The following ADAM2 variants were observed in gnomAD, a reference collection of about 807,000 sequenced individuals.
ADAM2 encodes ADAM metallopeptidase domain 2, also known as disintegrin and metalloproteinase domain-containing protein 2.
A neutral mutation model predicts 99.3 loss-of-function variants in ADAM2; 101 were observed. The ratio of observed to expected loss-of-function variants is 1.02; its 90% CI spans 0.87 to 1.20. ADAM2 has a LOEUF of 1.20. Ranked by LOEUF, ADAM2 falls within the 50% of genes most tolerant of loss-of-function variation. The pLI, the probability that ADAM2 is intolerant of heterozygous loss-of-function variation, is 0.00. For missense variants in ADAM2, 948 were observed against 878.7 expected (o/e 1.08, Z -1.00); for synonymous variants, 323 against 287.6 (o/e 1.12, Z -1.25).
intron 1 of ADAM2, 149 bp from the exon 2 acceptor site, chr8:39,837,361 GT>G (rs1233741516): frequency 3.9e-5 from 20 of 512,574 alleles, no homozygotes; most frequent in Admixed American, 3.4e-4. Flanking sequence ...ATACAAGGAG[GT>G]TTTTTTTTCT....
At chr8:39,776,058 T>G (rs1420064251) in intron 11 of ADAM2, among the ~76,000 whole-genome samples, 2 of 152,102 alleles carry the variant, frequency 1.3e-5, no homozygotes, top group Non-Finnish European at 2.9e-5. Flanking sequence ...ATATCCTTAG[T>G]AACATTGTAT....
chr8:39,819,364 T>C (rs565961431), intron 6 of ADAM2, among the ~76,000 whole-genome samples: 67 of 152,166 alleles, frequency 4.4e-4, no homozygotes, highest in African/African-American at 1.6e-3. Context: ...ATAAAAAATA[T>C]TAAAGTATCA....
At chr8:39,828,301 G>T (rs966937815) in intron 3 of ADAM2, among the ~76,000 whole-genome samples, 5 of 151,890 alleles carry the variant, frequency 3.3e-5, no homozygotes, top group African/African-American at 4.8e-5. Flanking sequence ...GAAGCAGAGG[G>T]TAAAGGGTGT....
intron 11 of ADAM2, 77 bp from the exon 12 acceptor site, chr8:39,769,652 C>T: frequency 1.0e-6 from 1 of 963,804 alleles, no homozygotes; most frequent in Non-Finnish European, 1.6e-6. Context: ...ACCTATACAA[C>T]AGCATTCCAC....
At chr8:39,759,439 T>C (rs1001438485) in intron 15 of ADAM2, among the ~76,000 whole-genome samples, 14 of 152,176 alleles carry the variant, frequency 9.2e-5, no homozygotes, top group Non-Finnish European at 1.6e-4. Context: ...TGTAAATATC[T>C]GACACTGGGT....
intron 14 of ADAM2, among the ~76,000 whole-genome samples, 177 bp downstream of exon 14, chr8:39,766,671 G>T (rs111419173): frequency 2.6e-5 from 4 of 152,084 alleles, no homozygotes; most frequent in Non-Finnish European, 5.9e-5. Flanking sequence ...GCCTCCCAAA[G>T]TGCTGGGATT....
intron 10 of ADAM2, among the ~76,000 whole-genome samples, chr8:39,785,917 G>T (rs1803449126): frequency 6.6e-6 from 1 of 152,066 alleles, no homozygotes; most frequent in Non-Finnish European, 1.5e-5. Flanking sequence ...CAGCCTAAGT[G>T]TCCGTAAATG....
intron 11 of ADAM2, among the ~76,000 whole-genome samples, chr8:39,771,639 G>A (rs115088150): frequency 1.2e-3 from 185 of 152,148 alleles, no homozygotes; most frequent in African/African-American, 4.0e-3. Context: ...TTATTCACTC[G>A]AAGACCTCGA....
intron 7 of ADAM2, among the ~76,000 whole-genome samples, chr8:39,802,013 C>T (rs1385115908): frequency 6.6e-6 from 1 of 152,074 alleles, no homozygotes; most frequent in African/African-American, 2.4e-5. Context: ...GCAGCCTCAG[C>T]CAGTGCTGGC....
chr8:39,793,848 A>G (rs1803822543), intron 7 of ADAM2, among the ~76,000 whole-genome samples: 1 of 152,116 alleles, frequency 6.6e-6, no homozygotes, highest in African/African-American at 2.4e-5. Flanking sequence ...CAGACTAAGG[A>G]AAGTCTATAC....
chr8:39,808,919 A>C (rs1804572621), intron 7 of ADAM2, among the ~76,000 whole-genome samples: 1 of 152,116 alleles, frequency 6.6e-6, no homozygotes, highest in Admixed American at 6.5e-5. Context: ...CCATCACAAA[A>C]AATAAATAAA....
chr8:39,794,253 C>T (rs1283335965), intron 7 of ADAM2, among the ~76,000 whole-genome samples: 2 of 152,062 alleles, frequency 1.3e-5, no homozygotes, highest in Non-Finnish European at 2.9e-5. Flanking sequence ...GTATTGCCAA[C>T]ATTAATATAT....
chr8:39,789,850 A>G (rs1222181356), intron 7 of ADAM2, among the ~76,000 whole-genome samples: 5 of 151,866 alleles, frequency 3.3e-5, no homozygotes. Flanking sequence ...AACAACAAAA[A>G]GGCAACCTAA....
chr8:39,750,187 G>T (rs1823671638), intron 16 of ADAM2, among the ~76,000 whole-genome samples: 1 of 152,044 alleles, frequency 6.6e-6, no homozygotes, highest in Non-Finnish European at 1.5e-5. Flanking sequence ...TATAAAAAAA[G>T]AAGTAATATT....
At chr8:39,766,749 A>T (rs1802580600) in intron 14 of ADAM2, 99 bp downstream of exon 14, 7 of 920,420 alleles carry the variant, frequency 7.6e-6, no homozygotes, top group Middle Eastern at 2.3e-4. Context: ...ATTTAAACTA[A>T]ATGTGACATT....
chr8:39,770,871 C>G (rs1009164003), intron 11 of ADAM2, among the ~76,000 whole-genome samples: 1 of 152,172 alleles, frequency 6.6e-6, no homozygotes, highest in Admixed American at 6.5e-5. Flanking sequence ...GTGTTCTCCA[C>G]AACAACCACT....
At chr8:39,795,334 C>T (rs868821712) in intron 7 of ADAM2, among the ~76,000 whole-genome samples, 3 of 152,094 alleles carry the variant, frequency 2.0e-5, no homozygotes, top group Non-Finnish European at 4.4e-5. Context: ...CAGTATACCT[C>T]CTGCTTTTTA....
intron 7 of ADAM2, among the ~76,000 whole-genome samples, chr8:39,803,260 G>C (rs1398057974): frequency 6.6e-6 from 1 of 152,128 alleles, no homozygotes; most frequent in African/African-American, 2.4e-5. Context: ...AACATGGCAG[G>C]CCTAAAATGA....
chr8:39,804,747 AAAAT>A (rs1804368111), intron 7 of ADAM2, among the ~76,000 whole-genome samples: 1 of 152,218 alleles, frequency 6.6e-6, no homozygotes, highest in South Asian at 2.1e-4. Flanking sequence ...ACTTCAGTAA[AAAAT>A]AAGTATGGTA....
Sources: allele counts gnomAD v4.1 joint callset (sites outside exome capture counted in the v4.1 genomes callset), GRCh38; gene constraint gnomAD v4.1.1; transcripts MANE v1.5; gene names NCBI Gene and HGNC (gene_info 2026-07-23, HGNC 2026-07-21).